PTPN13: variants seen among roughly 807,000 people sequenced by gnomAD.
PTPN13 encodes the protein protein tyrosine phosphatase non-receptor type 13.
A neutral mutation model predicts 284.0 loss-of-function variants in PTPN13; 191 were observed. The observed-to-expected ratio is 0.67, with a 90% CI of 0.60 to 0.76. The LOEUF (loss-of-function observed/expected upper bound fraction) is 0.76, where lower values mean the gene tolerates loss of function less well. PTPN13 is among the 30% of genes least tolerant of loss of function. The pLI is 0.00. For missense variants in PTPN13, 2,797 were observed against 2,939.9 expected (o/e 0.95, Z 1.12); for synonymous variants, 986 against 1,022.3 (o/e 0.96, Z 0.68).
chr4:86,619,849 C>A (rs76585452), intron 1 of PTPN13, among the ~76,000 whole-genome samples: 7,044 of 151,598 alleles, frequency 0.046, 221 homozygotes, highest in African/African-American at 0.06. Flanking sequence ...GTTTGACTTG[C>A]TAATCTCCCT....
chr4:86,750,764 G>A lies in PTPN13; in HGVS notation c.2945G>A (p.Arg982Gln), dbSNP rs545870212. ...AGTCAGGCCTCTCTCTATCCACATC[G>A]GAAAAATGTCATTGTTAACATGGAA... ...DLSQASLYPHRKNVIVNMEPP... is the reference protein window; with the variant it reads ...DLSQASLYPHQKNVIVNMEPP... The change falls in exon 18 of 48, where the codon CGG (arginine) becomes CAG (glutamine). Residue 982 changes from arginine to glutamine, a missense_variant. Transcript: ENST00000411767. 2.5e-5 allele frequency: 40 copies of A among 1,613,408 alleles called. 1 individual carries two copies. The highest frequency in any genetic ancestry group is 8.9e-5 in the East Asian group (4 of 44,812).
intron 1 of PTPN13, among the ~76,000 whole-genome samples, chr4:86,598,464 G>T (rs1764020060): frequency 6.6e-6 from 1 of 152,126 alleles, no homozygotes; most frequent in East Asian, 1.9e-4. Flanking sequence ...GTATTTTGAG[G>T]ATGAAATTAA....
rs1179553611 is a variant in PTPN13, at chr4:86,741,680, A to G, written c.2351A>G (p.His784Arg). ...TEYGVHFHRV[H>R]PEKKSQTGIL... ...TATGGAGTTCATTTTCACCGAGTGC[A>G]CCCTGAGAAGAAGTCACAAACAGGA... The change falls in exon 16 of 48, where the codon CAC becomes CGC. Residue 784 changes from histidine to arginine, a missense_variant. Transcript: ENST00000411767. 14 of 1,613,664 alleles carry G rather than the reference A, an allele frequency of 8.7e-6. No individual in the cohort carries two copies. The highest frequency in any genetic ancestry group is 1.2e-5 in the Non-Finnish European group (14 of 1,179,770).
intron 35 of PTPN13, among the ~76,000 whole-genome samples, chr4:86,778,898 AT>A (rs71657584): frequency 0.085 from 12,786 of 149,934 alleles, 682 homozygotes; most frequent in Non-Finnish European, 0.11. Context: ...TAGTTGGAGC[AT>A]TTTTTTTTAT....
intron 10 of PTPN13, among the ~76,000 whole-genome samples, chr4:86,727,348 C>T (rs1291911110): frequency 1.3e-5 from 2 of 149,732 alleles, no homozygotes; most frequent in African/African-American, 4.9e-5. Flanking sequence ...AGGGAGGATT[C>T]CCTCTTTTTC....
At chr4:86,669,914 C>T (rs556134037) in intron 2 of PTPN13, among the ~76,000 whole-genome samples, 3 of 151,992 alleles carry the variant, frequency 2.0e-5, no homozygotes, top group East Asian at 1.9e-4. Flanking sequence ...TCCCAGCTTC[C>T]TAACTTAGAT....
At position 86,720,445 on chromosome 4, in the gene PTPN13, C is replaced by A. The variant is rs556774369; in HGVS notation, c.1386-1767C>A. Among the ~76,000 whole-genome samples the A allele has an allele frequency of 3.4e-4, 52 of 152,026 alleles. 1 individual carries two copies. Among genetic ancestry groups the A allele is most frequent in the African/African-American group, 1.2e-3 (50 of 41,466 alleles). ...AAAGCCCATGTGGTATTCATAGCATCTGAGTTAGATATAGGTTTAGGTGAA... is the reference window on the plus strand; with the variant it reads ...AAAGCCCATGTGGTATTCATAGCATATGAGTTAGATATAGGTTTAGGTGAA... On this transcript the variant is annotated intron_variant, in intron 9 of 47. Transcript: ENST00000411767.
intron 2 of PTPN13, among the ~76,000 whole-genome samples, chr4:86,648,606 C>T (rs1156435058): frequency 6.6e-6 from 1 of 152,072 alleles, no homozygotes; most frequent in African/African-American, 2.4e-5. Context: ...ATATATGCCC[C>T]ATTTTCTTTA....
At chr4:86,688,865 G>T in intron 4 of PTPN13, 140 bp from the exon 5 acceptor site, 1 of 573,594 alleles carries the variant, frequency 1.7e-6, no homozygotes, top group East Asian at 2.9e-5. Context: ...AAATGCTTAT[G>T]CTGATAAAAA....
intron 1 of PTPN13, among the ~76,000 whole-genome samples, chr4:86,620,263 TCAAG>T (rs1413630980): frequency 2.0e-5 from 3 of 152,154 alleles, no homozygotes; most frequent in Non-Finnish European, 4.4e-5. Context: ...CTTCCCCAGC[TCAAG>T]CAATCCTCCC....
rs1741764010 is a variant in PTPN13, at chr4:86,785,280, A to C, written c.6168A>C (p.Glu2056Asp). The change falls in exon 39 of 48, where the codon GAA (glutamate) becomes GAC (aspartate). Residue 2056 changes from glutamate to aspartate, a missense_variant. Glu to Asp is a conservative substitution (Grantham distance 45). Transcript: ENST00000411767. The stretch of plus-strand genomic sequence containing the variant: ...TTTATGATGATTCCCAAGAAGCTGA[A>C]GTTATCCAGTCTCTGCTGGATGTTG... ...DDIYDDSQEA[E>D]VIQSLLDVVD... is the part of the protein sequence containing the mutation. The C allele has an allele frequency of 6.3e-7, 1 of 1,596,962 alleles. No homozygotes were observed. The highest frequency in any genetic ancestry group is 8.6e-7 in the Non-Finnish European group (1 of 1,166,018).
intron 2 of PTPN13, among the ~76,000 whole-genome samples, chr4:86,663,170 C>G (rs183255568): frequency 2.6e-5 from 4 of 152,300 alleles, no homozygotes; most frequent in Admixed American, 2.0e-4. Flanking sequence ...GTATCTCTTT[C>G]TTACCCATTG....
intron 32 of PTPN13, among the ~76,000 whole-genome samples, chr4:86,773,186 C>T (rs1344384512): frequency 6.6e-6 from 1 of 152,152 alleles, no homozygotes; most frequent in African/African-American, 2.4e-5. Flanking sequence ...ATTTGGCAGA[C>T]TCCTATGGAC....
chr4:86,701,904 G>C, intron 7 of PTPN13, 103 bp downstream of exon 7: 1 of 1,196,862 alleles, frequency 8.4e-7, no homozygotes, highest in East Asian at 2.6e-5. Flanking sequence ...TATTTTCACT[G>C]CCAAATTTTT....
Position 86,756,058 on chromosome 4 carries a change from A to G in PTPN13, c.3224-2202A>G, listed in dbSNP as rs575308136. Among the ~76,000 whole-genome samples, 3 of 151,924 alleles carry G rather than the reference A, an allele frequency of 2.0e-5. No homozygotes were observed. The East Asian group carries it at 5.8e-4, about 30-fold the overall frequency. ...CTTATTAAGTACCTACCATAGAATA[A>G]TGGATTTCCTTAGTTTCCAAGTATC... On this transcript the variant is annotated intron_variant, in intron 20 of 47. Transcript: ENST00000411767.
At chr4:86,633,367 A>G (rs904911013) in intron 1 of PTPN13, among the ~76,000 whole-genome samples, 2 of 152,030 alleles carry the variant, frequency 1.3e-5, no homozygotes, top group East Asian at 3.9e-4. Flanking sequence ...GTGATAGGCA[A>G]CACCTTTAGA....
chr4:86,803,944 A>C (rs1744363025), intron 43 of PTPN13, 87 bp downstream of exon 43: 1 of 1,454,026 alleles, frequency 6.9e-7, no homozygotes, highest in African/African-American at 1.4e-5. Context: ...CAAGATTAGA[A>C]GAATTTTTGA....
intron 10 of PTPN13, among the ~76,000 whole-genome samples, chr4:86,726,307 T>C (rs987541432): frequency 4.7e-5 from 7 of 149,578 alleles, no homozygotes; most frequent in African/African-American, 1.7e-4. Context: ...TGTGGGCTCT[T>C]TTTTGGTTCC....
chr4:86,697,095 GA>G (rs1011959515), intron 6 of PTPN13, among the ~76,000 whole-genome samples: 1 of 151,058 alleles, frequency 6.6e-6, no homozygotes, highest in East Asian at 1.9e-4. Context: ...GTTTAAGATT[GA>G]AAAAAAAATT....
Sources: allele counts gnomAD v4.1 joint callset (sites outside exome capture counted in the v4.1 genomes callset), GRCh38; gene constraint gnomAD v4.1.1; transcripts MANE v1.5; gene names NCBI Gene and HGNC (gene_info 2026-07-23, HGNC 2026-07-21).